The following PKNOX2 variants were observed in gnomAD, a reference collection of about 807,000 sequenced individuals.
PKNOX2 encodes the protein homeobox protein PKNOX2.
Under a neutral mutation model 53.1 loss-of-function variants are expected in PKNOX2, and 14 were observed. The ratio of observed to expected loss-of-function variants is 0.26; its 90% CI spans 0.17 to 0.41. The LOEUF (loss-of-function observed/expected upper bound fraction) is 0.41, where lower values mean the gene tolerates loss of function less well. Ranked by LOEUF, PKNOX2 falls within the 10% of genes least tolerant of loss-of-function variation. The pLI is 1.00. For missense variants in PKNOX2, 496 were observed against 602.8 expected (o/e 0.82, Z 1.85); for synonymous variants, 257 against 242.8 (o/e 1.06, Z -0.54).
intron 5 of PKNOX2, among the ~76,000 whole-genome samples, chr11:125,372,504 T>C (rs1240267450): frequency 6.6e-6 from 1 of 152,244 alleles, no homozygotes; most frequent in Non-Finnish European, 1.5e-5. Flanking sequence ...TTTGAAATGT[T>C]CTCTCTTAAT....
At chr11:125,243,902 G>A (rs1030184523) in intron 2 of PKNOX2, among the ~76,000 whole-genome samples, 4 of 152,206 alleles carry the variant, frequency 2.6e-5, no homozygotes, top group Non-Finnish European at 4.4e-5. Flanking sequence ...GATTGCAGGC[G>A]TGAGCCACCA....
chr11:125,404,272 A>G (rs906318068), intron 7 of PKNOX2, among the ~76,000 whole-genome samples: 2 of 152,250 alleles, frequency 1.3e-5, no homozygotes, highest in African/African-American at 4.8e-5. Context: ...CGTGGAGCCC[A>G]GAGACCAGAG....
chr11:125,312,091 C>A (rs2136012899), intron 2 of PKNOX2, among the ~76,000 whole-genome samples: 1 of 152,224 alleles, frequency 6.6e-6, no homozygotes, highest in Middle Eastern at 3.4e-3. Context: ...GCCTCTGTTT[C>A]TTCATGTGTA....
chr11:125,416,238 G>A (rs1158629167), intron 10 of PKNOX2, among the ~76,000 whole-genome samples: 1 of 145,982 alleles, frequency 6.9e-6, no homozygotes, highest in Admixed American at 7.0e-5. Flanking sequence ...GGGAGGCGGA[G>A]CTTGCAGTGA....
chr11:125,312,985 G>C (rs762996622), intron 2 of PKNOX2, among the ~76,000 whole-genome samples: 8 of 152,330 alleles, frequency 5.3e-5, no homozygotes, highest in African/African-American at 7.2e-5. Flanking sequence ...TGAAAGGCAG[G>C]GGGGAGGCTG....
chr11:125,205,329 G>A (rs934458338), intron 1 of PKNOX2, among the ~76,000 whole-genome samples: 2 of 152,050 alleles, frequency 1.3e-5, no homozygotes, highest in African/African-American at 2.4e-5. Flanking sequence ...CTGGTGAAAG[G>A]CCAAGTCTGA....
chr11:125,175,728 G>C (rs10790727), intron 1 of PKNOX2, among the ~76,000 whole-genome samples: 39,801 of 152,080 alleles, frequency 0.26, 5,294 homozygotes, highest in East Asian at 0.34. Context: ...GTAGAGCCCT[G>C]TGCTCACTGT....
chr11:125,351,505 C>G (rs1012109390), intron 4 of PKNOX2, 113 bp downstream of exon 4: 3 of 687,878 alleles, frequency 4.4e-6, no homozygotes, highest in African/African-American at 1.8e-5. Flanking sequence ...CCAGGCCTCC[C>G]GCAATCACGT....
rs1428718360 is a variant in PKNOX2 at position 125,433,105 on chromosome 11, C to T, written c.*1713C>T. Reference sequence around the variant, plus strand: ...ATGCCATACATAGAGGAAAGTCTAGCTTTTTTGGCGTGAGACTTTTGCAAT... The same window carrying T: ...ATGCCATACATAGAGGAAAGTCTAGTTTTTTTGGCGTGAGACTTTTGCAAT... On this transcript the variant is annotated 3_prime_UTR_variant, in exon 13 of 13. Transcript: ENST00000298282. The T allele has an allele frequency of 2.0e-5, 3 of 152,642 alleles. No homozygotes were observed. Among genetic ancestry groups the T allele is most frequent in the African/African-American group, 4.8e-5 (2 of 41,460 alleles). 9.5% of individuals were successfully genotyped at this position (152,642 alleles called of 1,614,324 possible).
At chr11:125,191,908 T>C (rs948192093) in intron 1 of PKNOX2, among the ~76,000 whole-genome samples, 3 of 152,256 alleles carry the variant, frequency 2.0e-5, no homozygotes, top group African/African-American at 7.2e-5. Flanking sequence ...AAGCTTGATC[T>C]CGAATCCCTT....
At chr11:125,259,880 T>G (rs1233267130) in intron 2 of PKNOX2, among the ~76,000 whole-genome samples, 1 of 146,786 alleles carries the variant, frequency 6.8e-6, no homozygotes, top group Non-Finnish European at 1.5e-5. Flanking sequence ...TTTTAATTCT[T>G]TTTTTTTTTT....
At chr11:125,272,258 G>T (rs1335996122) in intron 2 of PKNOX2, among the ~76,000 whole-genome samples, 1 of 152,220 alleles carries the variant, frequency 6.6e-6, no homozygotes, top group Non-Finnish European at 1.5e-5. Flanking sequence ...CAGCATGACT[G>T]ATCCTGGATC....
chr11:125,216,492 C>G (rs7130811), intron 1 of PKNOX2, among the ~76,000 whole-genome samples: 48,086 of 152,062 alleles, frequency 0.32, 10,022 homozygotes, highest in African/African-American at 0.59. Context: ...TGGGGAGGCA[C>G]CGAGGCTGAG....
chr11:125,169,889 A>T (rs552782628), intron 1 of PKNOX2, among the ~76,000 whole-genome samples: 7 of 152,176 alleles, frequency 4.6e-5, no homozygotes, highest in Non-Finnish European at 1.5e-5. Flanking sequence ...AACCATCTAC[A>T]CTTTACCAAG....
chr11:125,231,688 A>G (rs1007255748), intron 1 of PKNOX2, among the ~76,000 whole-genome samples: 1 of 151,926 alleles, frequency 6.6e-6, no homozygotes, highest in African/African-American at 2.4e-5. Flanking sequence ...GTGTGTAGAG[A>G]TTGCATGTGC....
intron 10 of PKNOX2, among the ~76,000 whole-genome samples, chr11:125,423,732 G>A (rs991945462): frequency 6.6e-6 from 1 of 152,190 alleles, no homozygotes; most frequent in Non-Finnish European, 1.5e-5. Flanking sequence ...GATAGGGCAA[G>A]TGCTCAGAGC....
intron 10 of PKNOX2, among the ~76,000 whole-genome samples, chr11:125,415,657 G>A (rs1332296748): frequency 1.3e-5 from 2 of 152,094 alleles, no homozygotes; most frequent in South Asian, 2.1e-4. Flanking sequence ...CTCTGAGACT[G>A]TAATTCTTGA....
intron 4 of PKNOX2, among the ~76,000 whole-genome samples, chr11:125,366,899 G>C (rs769281562): frequency 6.6e-5 from 10 of 152,186 alleles, no homozygotes; most frequent in Non-Finnish European, 1.5e-4. Flanking sequence ...GTATGTGCTA[G>C]TTGGAAGCTG....
chr11:125,384,453 A>G (rs1304360969), intron 5 of PKNOX2, among the ~76,000 whole-genome samples: 1 of 152,210 alleles, frequency 6.6e-6, no homozygotes, highest in Non-Finnish European at 1.5e-5. Context: ...TGGGAGGCTG[A>G]GACGGGCGGA....
Sources: allele counts gnomAD v4.1 joint callset (sites outside exome capture counted in the v4.1 genomes callset), GRCh38; gene constraint gnomAD v4.1.1; transcripts MANE v1.5; gene names NCBI Gene and HGNC (gene_info 2026-07-23, HGNC 2026-07-21).